The following CAMTA1 variants were observed in gnomAD, a reference collection of about 807,000 sequenced individuals.
The protein encoded by CAMTA1 is calmodulin binding transcription activator 1.
A neutral mutation model predicts 170.9 loss-of-function variants in CAMTA1; 27 were observed. The ratio of observed to expected loss-of-function variants is 0.16; its 90% CI spans 0.12 to 0.22. The LOEUF (loss-of-function observed/expected upper bound fraction) is 0.22. Ranked by LOEUF, CAMTA1 falls within the 10% of genes least tolerant of loss-of-function variation. The pLI is 1.00. For synonymous variants in CAMTA1, 833 were observed against 891.5 expected (o/e 0.93, Z 1.17); for missense variants, 1,619 against 2,217.2 (o/e 0.73, Z 5.42).
chr1:6,972,637 C>T (rs920143628), intron 3 of CAMTA1, among the ~76,000 whole-genome samples: 2 of 152,178 alleles, frequency 1.3e-5, no homozygotes, highest in African/African-American at 2.4e-5. Flanking sequence ...GTCTTAGGGG[C>T]TGGCAGTTGG....
intron 11 of CAMTA1, among the ~76,000 whole-genome samples, chr1:7,714,060 G>A (rs1161333074): frequency 2.0e-5 from 3 of 152,066 alleles, no homozygotes; most frequent in African/African-American, 4.8e-5. Context: ...TTTCCACCAC[G>A]AATTGTGGAA....
intron 4 of CAMTA1, among the ~76,000 whole-genome samples, chr1:7,107,354 T>C (rs1643707939): frequency 6.6e-6 from 1 of 150,434 alleles, no homozygotes; most frequent in Admixed American, 6.6e-5. Flanking sequence ...CCAAGATCAA[T>C]TGGATTCAAT....
chr1:6,824,016 G>T (rs1646827066), intron 2 of CAMTA1, among the ~76,000 whole-genome samples: 2 of 152,142 alleles, frequency 1.3e-5, no homozygotes, highest in African/African-American at 4.8e-5. Context: ...GAAAGTAGCA[G>T]AACTGGGCCA....
chr1:7,303,398 A>G (rs1260734023), intron 5 of CAMTA1, among the ~76,000 whole-genome samples: 2 of 152,208 alleles, frequency 1.3e-5, no homozygotes, highest in Non-Finnish European at 2.9e-5. Flanking sequence ...CCTAAATCCA[A>G]TGTATACATA....
At position 7,307,247 on chromosome 1, in the gene CAMTA1, T is replaced by A. The variant is rs1454038085; in HGVS notation, c.438+57621T>A. Reference sequence around the variant, plus strand: ...TTTTTAAGAACTGGTTTTCACTAATTCATTGCTAGTATATAAAAATACAAC... The same window carrying A: ...TTTTTAAGAACTGGTTTTCACTAATACATTGCTAGTATATAAAAATACAAC... On this transcript the variant is annotated intron_variant, in intron 5 of 22. Coordinates refer to ENST00000303635, the MANE Select transcript of CAMTA1 (RefSeq NM_015215.4). Among the ~76,000 whole-genome samples, 4 of 152,096 alleles carry A rather than the reference T, an allele frequency of 2.6e-5. No individual in the cohort carries two copies. The East Asian group carries it at 7.7e-4, about 29-fold the overall frequency.
Position 7,597,538 on chromosome 1 carries a change from G to T in CAMTA1, c.511-42862G>T, listed in dbSNP as rs370900602. On this transcript the variant is annotated intron_variant, in intron 6 of 22. Transcript: ENST00000303635. ...CTGGGTGGGAACTGTATTAGTCAGG[G>T]TTCTCCATGTAACAGAACTAATAGG... 7.9e-5 allele frequency among the ~76,000 whole-genome samples: 12 copies of T among 152,122 alleles called. 1 individual carries two copies. The highest frequency in any genetic ancestry group is 2.1e-4 in the South Asian group (1 of 4,824).
In CAMTA1 at chr1:7,750,261, T is replaced by C. The variant is rs147391508; in HGVS notation, c.4690-938T>C. On this transcript the variant is annotated intron_variant, in intron 19 of 22. Coordinates refer to ENST00000303635, the MANE Select transcript of CAMTA1 (RefSeq NM_015215.4). Reference sequence around the variant, plus strand: ...CAGAAGGGTCCTGGTTCTTGGACAATTCTGAGAAGTCAGTTTCCCTCCCTC... The same window carrying C: ...CAGAAGGGTCCTGGTTCTTGGACAACTCTGAGAAGTCAGTTTCCCTCCCTC... 3.3e-5 allele frequency among the ~76,000 whole-genome samples: 5 copies of C among 152,316 alleles called. No homozygotes were observed. The East Asian group carries it at 7.7e-4, about 23-fold the overall frequency.
intron 6 of CAMTA1, among the ~76,000 whole-genome samples, chr1:7,488,654 T>C (rs2093654637): frequency 6.6e-6 from 1 of 152,168 alleles, no homozygotes; most frequent in South Asian, 2.1e-4. Flanking sequence ...AGCACATATG[T>C]GCACACATAT....
At chr1:6,793,667 T>C (rs1010116481) in intron 1 of CAMTA1, among the ~76,000 whole-genome samples, 3 of 152,132 alleles carry the variant, frequency 2.0e-5, no homozygotes, top group African/African-American at 7.3e-5. Flanking sequence ...TTGTGTCTTA[T>C]ATTAGAATGA....
chr1:7,660,860 A>G (rs1472570394), intron 7 of CAMTA1, among the ~76,000 whole-genome samples: 2 of 152,202 alleles, frequency 1.3e-5, no homozygotes, highest in Admixed American at 6.5e-5. Context: ...GCCTGGCCCC[A>G]CTAGAGACAG....
chr1:7,488,986 C>T lies in CAMTA1; in HGVS notation c.510+21085C>T, dbSNP rs190649444. 9.3e-4 allele frequency among the ~76,000 whole-genome samples: 142 copies of T among 152,318 alleles called. 1 individual carries two copies. The highest frequency in any genetic ancestry group is 3.2e-3 in the African/African-American group (134 of 41,564). ...ATACATACAAGCACACACACACACA[C>T]GCTGCCACCCCCAGCGCCACATGGG... On this transcript the variant is annotated intron_variant, in intron 6 of 22. Transcript: ENST00000303635.
intron 4 of CAMTA1, among the ~76,000 whole-genome samples, chr1:7,097,926 G>A (rs79081869): frequency 6.6e-6 from 1 of 152,202 alleles, no homozygotes; most frequent in Non-Finnish European, 1.5e-5. Context: ...AGTGATGATG[G>A]TGGCAGAGCA....
At chr1:7,347,944 G>T (rs2084346086) in intron 5 of CAMTA1, among the ~76,000 whole-genome samples, 1 of 152,198 alleles carries the variant, frequency 6.6e-6, no homozygotes, top group African/African-American at 2.4e-5. Flanking sequence ...TAGGCTCTGA[G>T]GTTAGGATGT....
intron 5 of CAMTA1, among the ~76,000 whole-genome samples, chr1:7,308,603 TAG>T (rs1325343354): frequency 6.6e-6 from 1 of 152,202 alleles, no homozygotes; most frequent in African/African-American, 2.4e-5. Flanking sequence ...ATGGGCTATT[TAG>T]AGAGTTTTCA....
At chr1:7,508,225 G>A (rs537782427) in intron 6 of CAMTA1, among the ~76,000 whole-genome samples, 2 of 152,166 alleles carry the variant, frequency 1.3e-5, no homozygotes, top group Admixed American at 6.5e-5. Context: ...TGCCGGGCCC[G>A]GGCCTCCGGT....
intron 1 of CAMTA1, among the ~76,000 whole-genome samples, chr1:6,800,939 A>G (rs1022309417): frequency 6.6e-6 from 1 of 152,246 alleles, no homozygotes; most frequent in Admixed American, 6.5e-5. Context: ...CTCAGCCATT[A>G]TGAAATGTTC....
At chr1:7,308,912 T>C (rs1439350178) in intron 5 of CAMTA1, among the ~76,000 whole-genome samples, 1 of 152,252 alleles carries the variant, frequency 6.6e-6, no homozygotes, top group Non-Finnish European at 1.5e-5. Context: ...AGAGAAGTAC[T>C]GAAGCTTCCA....
In CAMTA1 at chr1:7,435,062, AAG is replaced by A. The variant is rs2092305173; in HGVS notation, c.439-32766_439-32765del. On this transcript the variant is annotated intron_variant, in intron 5 of 22. Coordinates refer to ENST00000303635, the MANE Select transcript of CAMTA1 (RefSeq NM_015215.4). The surrounding 1 kb of genome is among the most constrained non-coding windows in gnomAD (Gnocchi z 4.4). The stretch of plus-strand genomic sequence containing the variant: ...AAAACCCTGTCTCAAAACAAGAAAA[AAG>A]AAAAAAAAGAAGGCAGAGGGCATGC... 6.6e-6 allele frequency among the ~76,000 whole-genome samples: 1 copy of A among 152,052 alleles called. No homozygotes were observed. The highest frequency in any genetic ancestry group is 2.4e-5 in the African/African-American group (1 of 41,378).
At chr1:7,020,133 A>G (rs759009095) in intron 3 of CAMTA1, among the ~76,000 whole-genome samples, 4 of 152,244 alleles carry the variant, frequency 2.6e-5, no homozygotes, top group African/African-American at 9.6e-5. Flanking sequence ...ATAACAGGCA[A>G]TTCTGTTCAG....
Sources: gnomAD v4.1 joint callset for allele counts (sites outside exome capture counted in the v4.1 genomes callset) on GRCh38, gnomAD v4.1.1 for gene constraint, Gnocchi (gnomAD v3.1) non-coding constraint, MANE v1.5 for transcripts, NCBI Gene and HGNC (gene_info 2026-07-23, HGNC 2026-07-21) for gene names.